TC2N: variants seen among roughly 807,000 people sequenced by gnomAD.
The protein encoded by TC2N is tandem C2 domains nuclear protein.
A neutral mutation model predicts 61.9 loss-of-function variants in TC2N; 51 were observed. The ratio of observed to expected loss-of-function variants is 0.82; its 90% confidence interval spans 0.66 to 1.04. TC2N has a LOEUF of 1.04. TC2N is among the 50% of genes least tolerant of loss of function. The pLI, the probability that TC2N is intolerant of heterozygous loss-of-function variation, is 0.00. For synonymous variants in TC2N, 204 were observed against 192.6 expected (o/e 1.06, Z -0.49); for missense variants, 556 against 566.7 (o/e 0.98, Z 0.19).
chr14:91,840,586 A>C (rs1216216504), intron 1 of TC2N, among the ~76,000 whole-genome samples: 2 of 152,152 alleles, frequency 1.3e-5, no homozygotes, highest in African/African-American at 2.4e-5. Context: ...TGTCTCTTTC[A>C]TGCACTTTGA....
chr14:91,814,547 A>G (rs1407880533), intron 1 of TC2N, among the ~76,000 whole-genome samples: 2 of 151,452 alleles, frequency 1.3e-5, no homozygotes, highest in Non-Finnish European at 3.0e-5. Flanking sequence ...AGACAAATCA[A>G]AGAAAAAGAA....
At chr14:91,783,742 TATACATAGTATTA>T (rs1418896026) in intron 11 of TC2N, among the ~76,000 whole-genome samples, 3 of 152,118 alleles carry the variant, frequency 2.0e-5, no homozygotes, top group African/African-American at 4.8e-5. Context: ...CATGTGAATG[TATACATAGTATTA>T]TGCAAATTGT....
chr14:91,816,807 T>G (rs930782613), intron 1 of TC2N, among the ~76,000 whole-genome samples: 5 of 151,916 alleles, frequency 3.3e-5, no homozygotes, highest in Admixed American at 2.6e-4. Context: ...GATGCTCCCT[T>G]TAGTACACAT....
intron 1 of TC2N, among the ~76,000 whole-genome samples, chr14:91,854,874 G>C (rs1888452387): frequency 6.6e-6 from 1 of 152,220 alleles, no homozygotes; most frequent in Non-Finnish European, 1.5e-5. Flanking sequence ...GAAGGAGCCA[G>C]TCCTCCCCAA....
chr14:91,862,620 C>G (rs1270071517), intron 1 of TC2N, among the ~76,000 whole-genome samples: 1 of 152,204 alleles, frequency 6.6e-6, no homozygotes, highest in African/African-American at 2.4e-5. Context: ...GAGCACAAGG[C>G]AACTTGGCTC....
At chr14:91,815,755 C>T (rs1291223094) in intron 1 of TC2N, among the ~76,000 whole-genome samples, 1 of 151,562 alleles carries the variant, frequency 6.6e-6, no homozygotes, top group African/African-American at 2.4e-5. Context: ...TAATTTCATC[C>T]ATAAACACAT....
intron 1 of TC2N, among the ~76,000 whole-genome samples, chr14:91,833,700 A>G (rs540264429): frequency 1.3e-5 from 2 of 152,154 alleles, no homozygotes; most frequent in African/African-American, 4.8e-5. Context: ...TTTATTGGGT[A>G]TATGTTTGGG....
rs759603073 is a variant in TC2N, at chr14:91,785,265, C to A, written c.1259G>T (p.Gly420Val). 1.2e-6 allele frequency: 2 copies of A among 1,612,794 alleles called. No individual in the cohort carries two copies. The highest frequency in any genetic ancestry group is 1.7e-6 in the Non-Finnish European group (2 of 1,178,972). Residue 420 changes from glycine (G) to valine (V), a missense_variant, in exon 11 of 12, where the codon GGA becomes GTA. Transcript: ENST00000435962. ...TATAAGTGGAAAAATCATAGTCTCT[C>A]CCCACTTGACTCTTCCATTGGAGGC... ...LKASNGRVKW[G>V]ETMIFPLIQS...
chr14:91,861,270 TTC>T (rs1320379104), intron 1 of TC2N, among the ~76,000 whole-genome samples: 1 of 152,216 alleles, frequency 6.6e-6, no homozygotes, highest in Non-Finnish European at 1.5e-5. Flanking sequence ...TACAGATACT[TTC>T]TTTTTTAAAG....
chr14:91,783,145 A>G lies in TC2N; in HGVS notation c.1428T>C (p.Asn476=). The G allele has an allele frequency of 6.2e-7, 1 of 1,611,994 alleles. No individual in the cohort carries two copies. Among genetic ancestry groups the G allele is most frequent in the Non-Finnish European group, 8.5e-7 (1 of 1,178,668 alleles). Residue 476 remains asparagine, a synonymous_variant, in exon 12 of 12, where the codon AAT becomes AAC. Transcript: ENST00000435962. ...GCCACCTGATAACAACCTTTTCTGGATTTATTACTGTCTCTTTCCACTGGT... is the reference window on the plus strand; with the variant it reads ...GCCACCTGATAACAACCTTTTCTGGGTTTATTACTGTCTCTTTCCACTGGT... The part of the protein sequence containing the change: ...AVNQWKETVI[N]PEKVVIRWHK...
chr14:91,854,178 G>A (rs76011802), intron 1 of TC2N, among the ~76,000 whole-genome samples: 4,933 of 152,080 alleles, frequency 0.032, 277 homozygotes, highest in African/African-American at 0.11. Flanking sequence ...GAAAGCCATA[G>A]GGTTTGCAGA....
chr14:91,812,202 A>C (rs1886798528), intron 3 of TC2N, 110 bp downstream of exon 3: 1 of 540,042 alleles, frequency 1.9e-6, no homozygotes, highest in African/African-American at 2.0e-5. Flanking sequence ...AAAATATAAA[A>C]AGTAAAATAA....
intron 3 of TC2N, among the ~76,000 whole-genome samples, chr14:91,802,897 TA>T (rs1886329111): frequency 4.0e-5 from 6 of 149,622 alleles, no homozygotes; most frequent in African/African-American, 1.5e-4. Flanking sequence ...GGAAATCAAA[TA>T]GCAAAAATAA....
intron 3 of TC2N, among the ~76,000 whole-genome samples, chr14:91,804,670 G>A (rs1004759029): frequency 6.6e-6 from 1 of 152,034 alleles, no homozygotes; most frequent in African/African-American, 2.4e-5. Context: ...AATACAGACT[G>A]AATAAATTAT....
intron 1 of TC2N, among the ~76,000 whole-genome samples, chr14:91,825,646 T>C (rs540225977): frequency 3.3e-5 from 5 of 152,322 alleles, no homozygotes; most frequent in Admixed American, 1.3e-4. Context: ...TTCTCTTTTT[T>C]ACTTTTGCAC....
chr14:91,820,852 T>C (rs987035972), intron 1 of TC2N, among the ~76,000 whole-genome samples: 1 of 151,988 alleles, frequency 6.6e-6, no homozygotes, highest in African/African-American at 2.4e-5. Flanking sequence ...ATTCCATTCA[T>C]AATAACATTT....
At chr14:91,811,014 C>G (rs1396839895) in intron 3 of TC2N, among the ~76,000 whole-genome samples, 1 of 151,910 alleles carries the variant, frequency 6.6e-6, no homozygotes, top group Non-Finnish European at 1.5e-5. Flanking sequence ...TTGGATTACA[C>G]TGACATATAC....
chr14:91,822,872 G>A (rs1169092849), intron 1 of TC2N, among the ~76,000 whole-genome samples: 7 of 151,736 alleles, frequency 4.6e-5, no homozygotes, highest in South Asian at 2.1e-4. Flanking sequence ...CCACCACCAC[G>A]CATGGCTAAT....
intron 1 of TC2N, among the ~76,000 whole-genome samples, chr14:91,852,512 A>G (rs1888395755): frequency 1.3e-5 from 2 of 152,312 alleles, no homozygotes; most frequent in African/African-American, 2.4e-5. Flanking sequence ...TAAAGCAAAG[A>G]TTGTTGTGAA....
Sources: gnomAD v4.1 joint callset for allele counts (sites outside exome capture counted in the v4.1 genomes callset) on GRCh38, gnomAD v4.1.1 for gene constraint, MANE v1.5 for transcripts, NCBI Gene and HGNC (gene_info 2026-07-23, HGNC 2026-07-21) for gene names.